Variants in ANO3 observed in about 807,000 individuals in gnomAD.
ANO3 encodes the protein anoctamin-3.
Under a neutral mutation model 144.8 loss-of-function variants are expected in ANO3, and 99 were observed. That is an observed-to-expected ratio of 0.68 (90% CI 0.58 to 0.81). The LOEUF (loss-of-function observed/expected upper bound fraction) is 0.81, where lower values mean the gene tolerates loss of function less well. Among genes scored for constraint, ANO3 ranks in the 30% least tolerant of loss-of-function variants. The pLI is 0.00. For missense variants in ANO3, 905 were observed against 1,202.2 expected, an observed-to-expected ratio of 0.75 and a Z score of 3.66; for synonymous variants, 414 against 392.6, an observed-to-expected ratio of 1.05 and a Z score of -0.64.
intron 14 of ANO3, among the ~76,000 whole-genome samples, chr11:26,583,793 G>C (rs1851199394): frequency 6.6e-6 from 1 of 152,198 alleles, no homozygotes; most frequent in South Asian, 2.1e-4. Context: ...CTGGGGAATG[G>C]AGGAGTCTTA....
intron 3 of ANO3, among the ~76,000 whole-genome samples, chr11:26,456,894 C>G (rs1454007771): frequency 1.4e-5 from 2 of 144,676 alleles, no homozygotes; most frequent in Admixed American, 1.4e-4. Flanking sequence ...ACTATGCAGC[C>G]ATAAAAAATG....
At chr11:26,597,480 G>A (rs969965887) in intron 14 of ANO3, among the ~76,000 whole-genome samples, 10 of 152,164 alleles carry the variant, frequency 6.6e-5, no homozygotes, top group Admixed American at 2.6e-4. Context: ...CAGGAGCACA[G>A]TGGACACCCT....
intron 1 of ANO3, among the ~76,000 whole-genome samples, chr11:26,417,992 G>A (rs556914398): frequency 6.6e-6 from 1 of 152,014 alleles, no homozygotes; most frequent in Non-Finnish European, 1.5e-5. Context: ...AGAATCAATA[G>A]TATGTTCTGT....
At chr11:26,243,658 T>C (rs1852713849) in intron 1 of ANO3, among the ~76,000 whole-genome samples, 1 of 152,176 alleles carries the variant, frequency 6.6e-6, no homozygotes, top group Non-Finnish European at 1.5e-5. Context: ...AAAATTTTCA[T>C]GGAGATACAA....
intron 4 of ANO3, among the ~76,000 whole-genome samples, chr11:26,504,750 G>A (rs193203771): frequency 4.6e-5 from 7 of 151,524 alleles, no homozygotes; most frequent in East Asian, 3.9e-4. Context: ...CCCGCCGGGC[G>A]CGGTGGCTCA....
chr11:26,466,981 C>T (rs887154397), intron 4 of ANO3, among the ~76,000 whole-genome samples: 5 of 151,914 alleles, frequency 3.3e-5, no homozygotes, highest in Non-Finnish European at 7.4e-5. Flanking sequence ...ACTGAAATCA[C>T]ATGGTATTTA....
intron 4 of ANO3, among the ~76,000 whole-genome samples, chr11:26,474,796 C>G (rs1253282990): frequency 6.6e-6 from 1 of 151,682 alleles, no homozygotes; most frequent in East Asian, 1.9e-4. Context: ...CATAGATAAT[C>G]ACTGATATGG....
intron 11 of ANO3, among the ~76,000 whole-genome samples, chr11:26,543,066 G>A (rs1029637806): frequency 6.6e-6 from 1 of 151,998 alleles, no homozygotes; most frequent in African/African-American, 2.4e-5. Context: ...AGCTCCCAGG[G>A]ACCAGCACAG....
chr11:26,386,921 G>A (rs573156039), intron 1 of ANO3, among the ~76,000 whole-genome samples: 4 of 152,152 alleles, frequency 2.6e-5, no homozygotes, highest in East Asian at 1.9e-4. Flanking sequence ...ATGTGTTTAC[G>A]TAGGTAAGTG....
At chr11:26,480,550 G>A (rs897212621) in intron 4 of ANO3, among the ~76,000 whole-genome samples, 2 of 152,166 alleles carry the variant, frequency 1.3e-5, no homozygotes, top group African/African-American at 2.4e-5. Flanking sequence ...ACTCATGCCT[G>A]TAATCCCAAC....
chr11:26,461,669 T>C (rs1056245610), intron 3 of ANO3, among the ~76,000 whole-genome samples: 1 of 152,026 alleles, frequency 6.6e-6, no homozygotes, highest in African/African-American at 2.4e-5. Context: ...TACCTAAATA[T>C]GGGGGAAACA....
At chr11:26,544,771 G>C (rs1489624460) in intron 11 of ANO3, among the ~76,000 whole-genome samples, 1 of 151,900 alleles carries the variant, frequency 6.6e-6, no homozygotes, top group African/African-American at 2.4e-5. Flanking sequence ...CATTACTCTT[G>C]CTTCTTCAGG....
intron 14 of ANO3, among the ~76,000 whole-genome samples, chr11:26,575,687 T>C (rs1344374722): frequency 6.6e-6 from 1 of 152,216 alleles, no homozygotes; most frequent in East Asian, 1.9e-4. Flanking sequence ...TTTTAGCGAT[T>C]ACACAATCAT....
At chr11:26,265,148 T>C (rs2133830804) in intron 1 of ANO3, among the ~76,000 whole-genome samples, 1 of 152,320 alleles carries the variant, frequency 6.6e-6, no homozygotes, top group East Asian at 1.9e-4. Flanking sequence ...AAAATAGTCA[T>C]TATTTTTTCA....
intron 1 of ANO3, among the ~76,000 whole-genome samples, chr11:26,371,770 A>T (rs559826463): frequency 2.0e-5 from 3 of 152,296 alleles, no homozygotes; most frequent in Admixed American, 2.0e-4. Flanking sequence ...TATGAGGCCT[A>T]TGGCCTTTTT....
At chr11:26,192,904 A>T (rs1262015387) in intron 1 of ANO3, among the ~76,000 whole-genome samples, 1 of 152,152 alleles carries the variant, frequency 6.6e-6, no homozygotes, top group East Asian at 1.9e-4. Flanking sequence ...ATCAGTAACT[A>T]AAGTATAAAT....
At chr11:26,271,196 C>T (rs1267359746) in intron 1 of ANO3, among the ~76,000 whole-genome samples, 1 of 152,212 alleles carries the variant, frequency 6.6e-6, no homozygotes, top group Non-Finnish European at 1.5e-5. Context: ...ATTTAAGATG[C>T]TGTTTTAGTG....
intron 1 of ANO3, among the ~76,000 whole-genome samples, chr11:26,363,195 C>G (rs1329887116): frequency 6.6e-6 from 1 of 152,126 alleles, no homozygotes; most frequent in Non-Finnish European, 1.5e-5. Flanking sequence ...AATACCTTCC[C>G]ATAAATCACT....
intron 17 of ANO3, among the ~76,000 whole-genome samples, chr11:26,607,484 G>C (rs1351575402): frequency 6.6e-6 from 1 of 152,128 alleles, no homozygotes; most frequent in Non-Finnish European, 1.5e-5. Context: ...TTTTTACACA[G>C]TGCCTGTTTC....
Sources: allele counts gnomAD v4.1 joint callset (sites outside exome capture counted in the v4.1 genomes callset), GRCh38; gene constraint gnomAD v4.1.1; transcripts MANE v1.5; gene names NCBI Gene and HGNC (gene_info 2026-07-23, HGNC 2026-07-21).